Variants in MMP26 observed in about 807,000 individuals in gnomAD.
MMP26 encodes matrix metalloproteinase-26.
MMP26 carries 33 observed loss-of-function variants against 31.0 expected under a neutral mutation model. The ratio of observed to expected loss-of-function variants is 1.06; its 90% CI spans 0.81 to 1.42. The LOEUF is 1.42. MMP26 is among the 40% of genes most tolerant of loss of function. The probability of loss-of-function intolerance (pLI) is 0.00; values close to 1 mark genes in which losing one functional copy is unlikely to be tolerated. For missense variants in MMP26, 347 were observed against 316.1 expected (o/e 1.10, Z -0.74); for synonymous variants, 122 against 114.9 (o/e 1.06, Z -0.40).
intron 1 of MMP26, chr11:4,710,627 C>T (rs1159946701): frequency 2.8e-6 from 1 of 352,578 alleles, no homozygotes; most frequent in Non-Finnish European, 5.6e-6. Context: ...TGCTTTCTTT[C>T]TATTCTGATG....
At chr11:4,935,574 C>T (rs1851427314) in intron 2 of MMP26, among the ~76,000 whole-genome samples, 2 of 151,978 alleles carry the variant, frequency 1.3e-5, no homozygotes, top group African/African-American at 4.8e-5. Flanking sequence ...TTATTTCCTT[C>T]TCCTGCCTAA....
At chr11:4,735,264 C>T (rs1316369807) in intron 1 of MMP26, among the ~76,000 whole-genome samples, 1 of 152,142 alleles carries the variant, frequency 6.6e-6, no homozygotes. Context: ...TGACTATATG[C>T]CCTTAGAGCA....
At chr11:4,943,396 G>T in intron 2 of MMP26, 1 of 425,546 alleles carries the variant, frequency 2.3e-6, no homozygotes, top group Non-Finnish European at 4.7e-6. Context: ...GTATCAGATT[G>T]CCCCTAGGTG....
chr11:4,815,414 T>C (rs74402842), intron 2 of MMP26, among the ~76,000 whole-genome samples: 2,366 of 152,312 alleles, frequency 0.016, 55 homozygotes, highest in African/African-American at 0.045. Context: ...GGCAGGTATG[T>C]AGCTTTTTAT....
chr11:4,710,067 C>T (rs369969175), intron 1 of MMP26: 5 of 456,674 alleles, frequency 1.1e-5, no homozygotes, highest in African/African-American at 2.0e-5. Context: ...GCTCCTTAAG[C>T]GCCTCTCCTT....
At chr11:4,791,115 T>A (rs1014433670) in intron 2 of MMP26, among the ~76,000 whole-genome samples, 6 of 152,168 alleles carry the variant, frequency 3.9e-5, no homozygotes, top group Admixed American at 6.5e-5. Flanking sequence ...CTGATAAATC[T>A]GAAGCGTACA....
chr11:4,814,064 T>C (rs1388895192), intron 2 of MMP26, among the ~76,000 whole-genome samples: 1 of 152,220 alleles, frequency 6.6e-6, no homozygotes, highest in African/African-American at 2.4e-5. Flanking sequence ...ATTCATTAGG[T>C]AAATGAAAGT....
At chr11:4,835,615 A>T (rs1849708187) in intron 2 of MMP26, among the ~76,000 whole-genome samples, 1 of 152,136 alleles carries the variant, frequency 6.6e-6, no homozygotes, top group Non-Finnish European at 1.5e-5. Context: ...TGAAAGAGAG[A>T]CAGTTTTCTA....
At chr11:4,894,921 G>A (rs566185381) in intron 2 of MMP26, among the ~76,000 whole-genome samples, 4 of 152,090 alleles carry the variant, frequency 2.6e-5, no homozygotes, top group Admixed American at 2.0e-4. Flanking sequence ...ATATATTTGT[G>A]TATAGAGCTC....
intron 2 of MMP26, among the ~76,000 whole-genome samples, chr11:4,778,507 C>T (rs1361246949): frequency 1.3e-5 from 2 of 152,004 alleles, no homozygotes; most frequent in African/African-American, 2.4e-5. Context: ...TTTCCTTGCA[C>T]CAATACTGCA....
intron 1 of MMP26, among the ~76,000 whole-genome samples, chr11:4,740,074 A>G (rs960899948): frequency 6.6e-6 from 1 of 152,050 alleles, no homozygotes; most frequent in Non-Finnish European, 1.5e-5. Flanking sequence ...TTCTTGTTCC[A>G]TTAACTGCAT....
intron 2 of MMP26, among the ~76,000 whole-genome samples, chr11:4,952,097 C>T (rs1304948865): frequency 8.0e-6 from 1 of 124,568 alleles, no homozygotes; most frequent in African/African-American, 2.7e-5. Flanking sequence ...CTGTTGTTTG[C>T]CATGTTCTTC....
rs1394878528 is a variant in MMP26 at position 4,707,405 on chromosome 11, G to A, written c.-217+2360G>A. Among the ~76,000 whole-genome samples, 7 of 152,234 alleles carry A rather than the reference G, an allele frequency of 4.6e-5. No homozygotes were observed. In the East Asian group the frequency reaches 1.3e-3, roughly 29 times the overall value. On this transcript the variant is annotated intron_variant, in intron 1 of 7. Coordinates refer to ENST00000380390, the MANE Select transcript of MMP26 (RefSeq NM_021801.5). The stretch of plus-strand genomic sequence containing the variant: ...GTGTTTTTGCTACTGAGTTGTAGGA[G>A]TTCTTTATATATTTTGAATATTAAC...
At chr11:4,915,832 T>A in intron 2 of MMP26, 1 of 519,128 alleles carries the variant, frequency 1.9e-6, no homozygotes. Context: ...CTTGACTTCC[T>A]CTCAGTATCT....
intron 2 of MMP26, among the ~76,000 whole-genome samples, chr11:4,893,666 C>T (rs760814598): frequency 3.6e-4 from 55 of 152,184 alleles, no homozygotes; most frequent in Non-Finnish European, 6.5e-4. Flanking sequence ...GTTTTGTGTG[C>T]CTCTGCCACA....
chr11:4,813,635 C>T (rs1021643524), intron 2 of MMP26, among the ~76,000 whole-genome samples: 10 of 152,042 alleles, frequency 6.6e-5, no homozygotes, highest in Admixed American at 1.3e-4. Flanking sequence ...TGAAACTCAC[C>T]TTCTACCTCA....
At chr11:4,828,950 T>C (rs1849612302) in intron 2 of MMP26, among the ~76,000 whole-genome samples, 1 of 152,168 alleles carries the variant, frequency 6.6e-6, no homozygotes, top group East Asian at 1.9e-4. Context: ...CTAACAAATC[T>C]GGTTTCAGTC....
chr11:4,918,585 A>C (rs1851133802), intron 2 of MMP26, among the ~76,000 whole-genome samples: 1 of 152,126 alleles, frequency 6.6e-6, no homozygotes, highest in Middle Eastern at 3.2e-3. Flanking sequence ...AATTATTCTG[A>C]GTTCCTCTCA....
At chr11:4,814,338 A>T (rs1849392491) in intron 2 of MMP26, among the ~76,000 whole-genome samples, 1 of 152,244 alleles carries the variant, frequency 6.6e-6, no homozygotes, top group Non-Finnish European at 1.5e-5. Flanking sequence ...ATGTGGAAAC[A>T]ACCCAAATAT....
Sources: allele counts gnomAD v4.1 joint callset (sites outside exome capture counted in the v4.1 genomes callset), GRCh38; gene constraint gnomAD v4.1.1; transcripts MANE v1.5; gene names NCBI Gene and HGNC (gene_info 2026-07-23, HGNC 2026-07-21).